NTRK1: variants seen among roughly 807,000 people sequenced by gnomAD.
The protein encoded by NTRK1 is high affinity nerve growth factor receptor.
A neutral mutation model predicts 86.8 loss-of-function variants in NTRK1; 62 were observed. The ratio of observed to expected loss-of-function variants is 0.71; its 90% CI spans 0.58 to 0.88. The LOEUF is 0.88. NTRK1 is among the 40% of genes least tolerant of loss of function. The probability of loss-of-function intolerance (pLI) is 0.00; values close to 1 mark genes in which losing one functional copy is unlikely to be tolerated. For synonymous variants in NTRK1, 469 were observed against 456.6 expected (o/e 1.03, Z -0.35); for missense variants, 967 against 1,078.4 (o/e 0.90, Z 1.45).
rs2102927015 is a variant in NTRK1 at position 156,879,998 on chromosome 1, G to A, written c.2047-1G>A. 2 of 1,612,926 alleles carry A rather than the reference G, an allele frequency of 1.2e-6. No individual in the cohort carries two copies. The highest frequency in any genetic ancestry group is 1.7e-6 in the Non-Finnish European group (2 of 1,180,002). The stretch of plus-strand genomic sequence containing the variant: ...ATTGATGCAGTGTCCGCCCGTGGCA[G>A]GTGGGAGGCCGCACCATGCTGCCCA... On this transcript the variant is annotated splice_acceptor_variant, in intron 15 of 16. Transcript: ENST00000524377. LOFTEE classifies it high-confidence loss of function.
At chr1:156,845,447 T>C in intron 2 of NTRK1, 1 of 1,528,520 alleles carries the variant, frequency 6.5e-7, no homozygotes, top group Non-Finnish European at 8.8e-7. Context: ...ATCAGGCCTG[T>C]CCGGATGCAC....
upstream of NTRK1, chr1:156,860,862 G>T (rs533688281): frequency 9.8e-5 from 135 of 1,382,524 alleles, no homozygotes; most frequent in Middle Eastern, 2.7e-4. Flanking sequence ...CGCACATGTC[G>T]GGGGAGGCCT....
Position 156,871,142 on chromosome 1 carries a change from G to T in NTRK1, c.718-481G>T, listed in dbSNP as rs75053271. Among the ~76,000 whole-genome samples, 108 of 152,288 alleles carry T rather than the reference G, an allele frequency of 7.1e-4. 1 individual carries two copies. In the East Asian group the frequency reaches 0.021, roughly 29 times the overall value. On this transcript the variant is annotated intron_variant, in intron 6 of 16. Coordinates refer to ENST00000524377, the MANE Select transcript of NTRK1 (RefSeq NM_002529.4). ...CTCCAACGAGCTGTGTACAAATTTG[G>T]TACTTGGGATGCGTGACATCTGTTT...
rs777435516 is a variant in NTRK1, at chr1:156,853,959, T to C, written c.51-10395T>C. On this transcript the variant is annotated intron_variant, in intron 2 of 16. Coordinates refer to the NTRK1 transcript ENST00000392302. ...GTGGAGAGGTGGCAGAGCTCCTGGT[T>C]CTTCTCCACACGCACAGCCCCACGC... 14 of 1,613,216 alleles carry C rather than the reference T, an allele frequency of 8.7e-6. No homozygotes were observed. Among genetic ancestry groups the C allele is most frequent in the Non-Finnish European group, 1.1e-5 (13 of 1,179,306 alleles).
At chr1:156,841,789 C>T (rs780240706) in intron 1 of NTRK1, 13 of 1,614,148 alleles carry the variant, frequency 8.1e-6, no homozygotes, top group South Asian at 1.1e-5. Flanking sequence ...CGAGTCATCC[C>T]GAAGTCTGGA....
chr1:156,830,741 G>C (rs1654449330), intron 1 of NTRK1, among the ~76,000 whole-genome samples: 1 of 152,066 alleles, frequency 6.6e-6, no homozygotes, highest in Non-Finnish European at 1.5e-5. Context: ...TTTTAGTAGA[G>C]ATGGGGTTTT....
chr1:156,826,311 T>TTTC (rs1455462641), intron 1 of NTRK1, among the ~76,000 whole-genome samples: 6 of 129,802 alleles, frequency 4.6e-5, no homozygotes, highest in Non-Finnish European at 9.6e-5. Flanking sequence ...TTTTTTTTTT[T>TTTC]TTTTTCTGAG....
chr1:156,880,019 G>T lies in NTRK1; in HGVS notation c.2067G>T (p.Leu689=). The T allele has an allele frequency of 6.2e-7, 1 of 1,613,350 alleles. No individual in the cohort carries two copies. Among genetic ancestry groups the T allele is most frequent in the Non-Finnish European group, 8.5e-7 (1 of 1,179,980 alleles). Residue 689 remains leucine, a synonymous_variant, in exon 16 of 17, where the codon CTG becomes CTT. Transcript: ENST00000524377. ...GGCAGGTGGGAGGCCGCACCATGCT[G>T]CCCATTCGCTGGATGCCGCCCGAGA... The part of the protein sequence containing the change: ...DYYRVGGRTM[L]PIRWMPPESI...
chr1:156,861,169 G>A (rs775969588), intron 1 of NTRK1, 23 bp downstream of exon 1: 8 of 1,539,640 alleles, frequency 5.2e-6, no homozygotes, highest in East Asian at 2.4e-5. Context: ...CGGGCGGTGG[G>A]GGGGCGCGGG....
chr1:156,829,107 T>A (rs1654398851), intron 1 of NTRK1, among the ~76,000 whole-genome samples: 1 of 152,062 alleles, frequency 6.6e-6, no homozygotes, highest in Non-Finnish European at 1.5e-5. Context: ...GAAATAAATT[T>A]ATGAACAAAT....
chr1:156,819,444 T>C (rs1654121573), intron 1 of NTRK1, among the ~76,000 whole-genome samples: 1 of 152,196 alleles, frequency 6.6e-6, no homozygotes, highest in Non-Finnish European at 1.5e-5. Flanking sequence ...GCTGTTTGTA[T>C]ACTTTCTTTT....
At position 156,873,731 on chromosome 1, in the gene NTRK1, T is replaced by C. The variant is rs777116685; in HGVS notation, c.949T>C (p.Phe317Leu). 2.5e-6 allele frequency: 4 copies of C among 1,613,026 alleles called. No homozygotes were observed. The highest frequency in any genetic ancestry group is 3.4e-6 in the Non-Finnish European group (4 of 1,179,734). ...GCCGGCACCGTCTCTGCGCTGGCTC[T>C]TCAATGGCTCCGTGCTCAATGAGAC... ...GQPAPSLRWL[F>L]NGSVLNETSF... is the part of the protein sequence containing the mutation. Residue 317 changes from phenylalanine (F) to leucine (L), a missense_variant, in exon 8 of 17, where the codon TTC becomes CTC. By Grantham distance (22) the Phe-to-Leu change is conservative. Coordinates refer to ENST00000524377, the MANE Select transcript of NTRK1 (RefSeq NM_002529.4).
At chr1:156,852,613 G>A (rs941607975) in intron 2 of NTRK1, among the ~76,000 whole-genome samples, 27 of 152,196 alleles carry the variant, frequency 1.8e-4, no homozygotes, top group Admixed American at 9.8e-4. Flanking sequence ...GACATCTGTC[G>A]TTTTACCCAT....
chr1:156,827,284 C>T (rs1005481662), intron 1 of NTRK1, among the ~76,000 whole-genome samples: 1 of 149,586 alleles, frequency 6.7e-6, no homozygotes, highest in Non-Finnish European at 1.5e-5. Flanking sequence ...TTTTTTGAGA[C>T]AGAGTCTCAC....
chr1:156,828,957 G>A (rs1480688621), intron 1 of NTRK1, among the ~76,000 whole-genome samples: 1 of 152,178 alleles, frequency 6.6e-6, no homozygotes, highest in Non-Finnish European at 1.5e-5. Context: ...ATAAAAAGTG[G>A]AAGTCCATCC....
rs780787880 is a variant in NTRK1 at position 156,849,084 on chromosome 1, G to A, written c.50+6891G>A. ...GAGGGGCCTGCTCGCAACCGCGCCTGCCAGCTGCTTGAGCGCCCACCCTGA... is the reference window on the plus strand; with the variant it reads ...GAGGGGCCTGCTCGCAACCGCGCCTACCAGCTGCTTGAGCGCCCACCCTGA... On this transcript the variant is annotated intron_variant, in intron 2 of 16. Coordinates refer to the NTRK1 transcript ENST00000392302. 7.5e-6 allele frequency: 12 copies of A among 1,604,062 alleles called. No homozygotes were observed. In the South Asian group the frequency reaches 1.2e-4, roughly 16 times the overall value.
chr1:156,833,910 G>T (rs2102844567), intron 1 of NTRK1, among the ~76,000 whole-genome samples: 1 of 152,296 alleles, frequency 6.6e-6, no homozygotes, highest in Non-Finnish European at 1.5e-5. Flanking sequence ...TCCCTTTCTT[G>T]CATTTTTAGA....
intron 1 of NTRK1, chr1:156,837,750 T>A (rs1654632148): frequency 6.6e-6 from 1 of 152,236 alleles, no homozygotes; most frequent in African/African-American, 2.4e-5. Flanking sequence ...TGCGAGAAGA[T>A]GCCAAACAGC....
upstream of NTRK1, chr1:156,858,497 G>A (rs766788352): frequency 1.9e-6 from 3 of 1,539,740 alleles, no homozygotes; most frequent in Middle Eastern, 1.7e-4. Flanking sequence ...AGCTGGCTGG[G>A]AGGGAGGTAG....
Sources: gnomAD v4.1 joint callset for allele counts (sites outside exome capture counted in the v4.1 genomes callset) on GRCh38, gnomAD v4.1.1 for gene constraint, MANE v1.5 for transcripts, NCBI Gene and HGNC (gene_info 2026-07-23, HGNC 2026-07-21) for gene names.